SPATS2L: variants seen among roughly 807,000 people sequenced by gnomAD.
SPATS2L encodes the protein spermatogenesis associated serine rich 2 like.
A neutral mutation model predicts 59.6 loss-of-function variants in SPATS2L; 30 were observed. That is an observed-to-expected ratio of 0.50 (90% confidence interval 0.38 to 0.68). The LOEUF is 0.68. SPATS2L is among the 30% of genes least tolerant of loss of function. SPATS2L has a pLI of 0.00. For synonymous variants in SPATS2L, 252 were observed against 263.5 expected, an observed-to-expected ratio of 0.96 and a Z score of 0.42; for missense variants, 615 against 700.0, an observed-to-expected ratio of 0.88 and a Z score of 1.37.
chr2:200,335,682 A>T (rs1171317713), intron 2 of SPATS2L, among the ~76,000 whole-genome samples: 1 of 152,254 alleles, frequency 6.6e-6, no homozygotes, highest in African/African-American at 2.4e-5. Context: ...GAAGTGAACG[A>T]CTGTGTCACT....
Position 200,349,665 on chromosome 2 carries a change from G to A in SPATS2L, c.-23+20185G>A, listed in dbSNP as rs117053293. Among the ~76,000 whole-genome samples, 906 of 152,208 alleles carry A rather than the reference G, an allele frequency of 6.0e-3. 8 individuals carry two copies. The highest frequency in any genetic ancestry group is 0.049 in the East Asian group (253 of 5,176). ...AAAAGAAAAAGAGTCAAAGACACAG[G>A]CAAGAGTGAAATCCAAGGTTCTCAA... On this transcript the variant is annotated intron_variant, in intron 2 of 12. Coordinates refer to ENST00000409140, the MANE Select transcript of SPATS2L (RefSeq NM_001100423.2).
chr2:200,320,150 C>G (rs1031502893), intron 1 of SPATS2L, among the ~76,000 whole-genome samples: 1 of 151,856 alleles, frequency 6.6e-6, no homozygotes, highest in Non-Finnish European at 1.5e-5. Flanking sequence ...CTTTGTTATC[C>G]AAGAGCATAG....
chr2:200,429,752 A>G (rs2083796975), intron 6 of SPATS2L, among the ~76,000 whole-genome samples: 1 of 152,182 alleles, frequency 6.6e-6, no homozygotes, highest in East Asian at 1.9e-4. Context: ...ATCAAAAGTT[A>G]ACATTCTACT....
At chr2:200,393,467 A>C (rs764637932) in intron 3 of SPATS2L, among the ~76,000 whole-genome samples, 1 of 152,240 alleles carries the variant, frequency 6.6e-6, no homozygotes, top group Non-Finnish European at 1.5e-5. Flanking sequence ...AATTAACAGT[A>C]GTGTTTTCCC....
chr2:200,325,208 A>T (rs1273622559), intron 1 of SPATS2L, among the ~76,000 whole-genome samples: 2 of 152,150 alleles, frequency 1.3e-5, no homozygotes, highest in Non-Finnish European at 2.9e-5. Context: ...AGGAATGACA[A>T]CATGGAAAAT....
At chr2:200,416,453 T>A in intron 5 of SPATS2L, 25 bp downstream of exon 5, 1 of 1,282,080 alleles carries the variant, frequency 7.8e-7, no homozygotes, top group Non-Finnish European at 1.1e-6. Context: ...GATTGTAAAT[T>A]GGTAACATCT....
chr2:200,391,954 A>C (rs1466375775), intron 3 of SPATS2L, among the ~76,000 whole-genome samples: 2 of 152,232 alleles, frequency 1.3e-5, no homozygotes, highest in African/African-American at 2.4e-5. Context: ...GGGTATTATT[A>C]CATGTTGTCT....
At chr2:200,314,868 T>G (rs976437373) in intron 1 of SPATS2L, among the ~76,000 whole-genome samples, 1 of 152,262 alleles carries the variant, frequency 6.6e-6, no homozygotes, top group South Asian at 2.1e-4. Flanking sequence ...ATTTAACAAA[T>G]TGTAATATTG....
At chr2:200,449,490 C>G (rs1402401231) in intron 8 of SPATS2L, among the ~76,000 whole-genome samples, 1 of 152,208 alleles carries the variant, frequency 6.6e-6, no homozygotes, top group Admixed American at 6.5e-5. Flanking sequence ...GAAATTGGTT[C>G]TAATTTCAGC....
intron 2 of SPATS2L, among the ~76,000 whole-genome samples, chr2:200,381,307 A>G (rs2081803278): frequency 6.6e-6 from 1 of 152,180 alleles, no homozygotes; most frequent in South Asian, 2.1e-4. Flanking sequence ...CACGCCTTTT[A>G]TAAGTGTTTC....
Position 200,343,233 on chromosome 2 carries a change from T to G in SPATS2L, c.-23+13753T>G, listed in dbSNP as rs887420312. 2.6e-5 allele frequency among the ~76,000 whole-genome samples: 4 copies of G among 152,302 alleles called. No individual in the cohort carries two copies. The East Asian group carries it at 5.8e-4, about 22-fold the overall frequency. On this transcript the variant is annotated intron_variant, in intron 2 of 12. Transcript: ENST00000409140. ...GTTGGTAAGTGTATAAGAAGAGTAC[T>G]TAACACAGGGGAGGGAGAAAAGGCA...
In SPATS2L at chr2:200,439,155, T is replaced by G. The variant is rs2084512521; in HGVS notation, c.479T>G (p.Leu160Ter). 6.2e-7 allele frequency: 1 copy of G among 1,613,634 alleles called. No homozygotes were observed. The highest frequency in any genetic ancestry group is 2.2e-5 in the East Asian group (1 of 44,884). The stretch of plus-strand genomic sequence containing the variant: ...AGACTACTGCAACAGAAACTATCCT[T>G]AGATGGGAACCCCAAACCTATACAT... ...GNRLLQQKLS[L>*]DGNPKPIHGT... The change falls in exon 7 of 13, where the codon TTA becomes TGA. Residue 160 changes from leucine (L) to a stop codon, truncating the protein, a stop_gained. Transcript: ENST00000409140. LOFTEE classifies it high-confidence loss of function.
chr2:200,307,812 C>G (rs538655972), intron 1 of SPATS2L, among the ~76,000 whole-genome samples: 3 of 152,326 alleles, frequency 2.0e-5, no homozygotes, highest in African/African-American at 7.2e-5. Context: ...TCATCCCCCC[C>G]GCAATCCTGG....
intron 6 of SPATS2L, among the ~76,000 whole-genome samples, chr2:200,433,603 A>G (rs952359191): frequency 3.3e-5 from 5 of 152,130 alleles, no homozygotes; most frequent in African/African-American, 4.8e-5. Context: ...GAACTGAATC[A>G]TAATGAAAAT....
chr2:200,396,080 C>A (rs1180421627), intron 3 of SPATS2L, among the ~76,000 whole-genome samples: 1 of 75,100 alleles, frequency 1.3e-5, no homozygotes. Context: ...TCCCATAGAA[C>A]CAAGATTGGA....
chr2:200,373,267 TA>T (rs1320073801), intron 2 of SPATS2L: 2 of 33,002 alleles, frequency 6.1e-5, no homozygotes, highest in Non-Finnish European at 1.1e-4. Context: ...TTGACTGCCT[TA>T]ACAAAAAAAA....
At chr2:200,450,308 T>A (rs548811562) in intron 8 of SPATS2L, among the ~76,000 whole-genome samples, 2 of 152,358 alleles carry the variant, frequency 1.3e-5, no homozygotes, top group African/African-American at 4.8e-5. Flanking sequence ...TCTTTTCCTC[T>A]ACACCAAGAC....
chr2:200,450,132 C>G lies in SPATS2L; in HGVS notation c.788+9348C>G, dbSNP rs114722847. Among the ~76,000 whole-genome samples the G allele has an allele frequency of 3.6e-3, 546 of 152,244 alleles. 1 individual carries two copies. The highest frequency in any genetic ancestry group is 0.013 in the African/African-American group (525 of 41,542). On this transcript the variant is annotated intron_variant, in intron 8 of 12. Transcript: ENST00000409140. Reference sequence around the variant, plus strand: ...CTGAACCTGGTTGAGTTTTTTAACTCCTTCTCAGCTACAAAGCAGGAATAC... The same window carrying G: ...CTGAACCTGGTTGAGTTTTTTAACTGCTTCTCAGCTACAAAGCAGGAATAC...
chr2:200,431,086 A>G (rs1038137702), intron 6 of SPATS2L, among the ~76,000 whole-genome samples: 1 of 152,222 alleles, frequency 6.6e-6, no homozygotes, highest in Admixed American at 6.5e-5. Flanking sequence ...GTGAACAACC[A>G]TGATTATTTC....
Sources: allele counts gnomAD v4.1 joint callset (sites outside exome capture counted in the v4.1 genomes callset), GRCh38; gene constraint gnomAD v4.1.1; transcripts MANE v1.5; gene names NCBI Gene and HGNC (gene_info 2026-07-23, HGNC 2026-07-21).